The following CAPZA2 variants were observed in gnomAD, a reference collection of about 807,000 sequenced individuals.
CAPZA2 encodes the protein F-actin-capping protein subunit alpha-2.
A neutral mutation model predicts 44.0 loss-of-function variants in CAPZA2; 13 were observed. That is an observed-to-expected ratio of 0.30 (90% CI 0.19 to 0.47). The LOEUF (loss-of-function observed/expected upper bound fraction) is 0.47. Ranked by LOEUF, CAPZA2 falls within the 20% of genes least tolerant of loss-of-function variation. The pLI, the probability that CAPZA2 is intolerant of heterozygous loss-of-function variation, is 1.00. For synonymous variants in CAPZA2, 94 were observed against 108.2 expected, an observed-to-expected ratio of 0.87 and a Z score of 0.81; for missense variants, 244 against 338.6, an observed-to-expected ratio of 0.72 and a Z score of 2.19.
intron 1 of CAPZA2, 124 bp downstream of exon 1, chr7:116,862,774 TC>T: frequency 1.9e-6 from 2 of 1,051,278 alleles, no homozygotes; most frequent in South Asian, 3.2e-5. Flanking sequence ...CGGCTGCCCT[TC>T]CTCCCCCATC....
chr7:116,883,059 CAT>C (rs1350416170), intron 1 of CAPZA2, among the ~76,000 whole-genome samples: 5 of 152,244 alleles, frequency 3.3e-5, no homozygotes, highest in Non-Finnish European at 5.9e-5. Context: ...TGAAGAATAA[CAT>C]GTGGAGGAAG....
At chr7:116,914,654 C>T (rs988403148) in intron 8 of CAPZA2, among the ~76,000 whole-genome samples, 1 of 152,082 alleles carries the variant, frequency 6.6e-6, no homozygotes, top group Non-Finnish European at 1.5e-5. Context: ...GATGGGGTCT[C>T]ACCATATTGT....
At chr7:116,877,626 A>G (rs567375824) in intron 1 of CAPZA2, among the ~76,000 whole-genome samples, 4 of 152,290 alleles carry the variant, frequency 2.6e-5, no homozygotes, top group Admixed American at 2.0e-4. Flanking sequence ...AGGAAACTGA[A>G]TTTAGTTTGC....
chr7:116,864,502 T>C (rs1320560439), intron 1 of CAPZA2, among the ~76,000 whole-genome samples: 1 of 152,198 alleles, frequency 6.6e-6, no homozygotes, highest in African/African-American at 2.4e-5. Flanking sequence ...AAGAATATTA[T>C]GTAGATATTT....
At chr7:116,895,774 C>A (rs1363223983) in intron 3 of CAPZA2, among the ~76,000 whole-genome samples, 1 of 151,998 alleles carries the variant, frequency 6.6e-6, no homozygotes, top group Non-Finnish European at 1.5e-5. Context: ...CTGTGAAGTA[C>A]AGAATATATA....
intron 1 of CAPZA2, among the ~76,000 whole-genome samples, chr7:116,871,213 A>G (rs1401137043): frequency 6.6e-6 from 1 of 152,210 alleles, no homozygotes; most frequent in Non-Finnish European, 1.5e-5. Flanking sequence ...AAAGGTGAGG[A>G]GAAACCCTTG....
At position 116,912,133 on chromosome 7, in the gene CAPZA2, C is replaced by T; in HGVS notation, c.650C>T (p.Thr217Ile). The T allele has an allele frequency of 1.2e-6, 2 of 1,612,798 alleles. No homozygotes were observed. The highest frequency in any genetic ancestry group is 1.7e-6 in the Non-Finnish European group (2 of 1,179,242). ...CATAAAGATATACAAGATTCCCTAA[C>T]AGTGTCTGTAAGTAATTAATTCCAC... ...VSHKDIQDSL[T>I]VSNEVQTAKE... The change falls in exon 8 of 10, where the codon ACA (threonine) becomes ATA (isoleucine). Residue 217 changes from threonine to isoleucine, a missense_variant. Physicochemically the swap from Thr to Ile is moderately conservative, Grantham distance 89 (BLOSUM62 -1). Transcript: ENST00000361183.
chr7:116,883,389 T>TGGCCGGGCGC (rs1796723990), intron 1 of CAPZA2, among the ~76,000 whole-genome samples: 1 of 152,202 alleles, frequency 6.6e-6, no homozygotes, highest in South Asian at 2.1e-4. Context: ...AATACCTGGA[T>TGGCCGGGCGC]GGTTGAACAA....
intron 1 of CAPZA2, among the ~76,000 whole-genome samples, chr7:116,883,915 G>A (rs540390723): frequency 1.2e-3 from 181 of 152,262 alleles, no homozygotes; most frequent in African/African-American, 4.1e-3. Context: ...GTTTGTATAA[G>A]TCATTAGGAG....
chr7:116,876,266 A>T (rs1048752932), intron 1 of CAPZA2: 3 of 152,578 alleles, frequency 2.0e-5, no homozygotes, highest in African/African-American at 7.2e-5. Flanking sequence ...AAAAAAAAAA[A>T]AGTTTAGAGC....
intron 1 of CAPZA2, among the ~76,000 whole-genome samples, chr7:116,881,738 CAAAA>C (rs71148338): frequency 4.2e-5 from 2 of 47,780 alleles, no homozygotes; most frequent in Non-Finnish European, 8.3e-5. Context: ...GACTCTGTCT[CAAAA>C]AAAAAAAAAA....
At chr7:116,907,882 G>A (rs1353812184) in intron 6 of CAPZA2, among the ~76,000 whole-genome samples, 1 of 151,888 alleles carries the variant, frequency 6.6e-6, no homozygotes, top group Admixed American at 6.6e-5. Flanking sequence ...TTCACTTTCT[G>A]GAAAAAAATG....
intron 3 of CAPZA2, among the ~76,000 whole-genome samples, chr7:116,898,477 C>T (rs1267628076): frequency 6.6e-6 from 1 of 152,046 alleles, no homozygotes; most frequent in East Asian, 1.9e-4. Flanking sequence ...TTGGATGCAT[C>T]TCTTATCAGT....
rs1470241926 is a variant in CAPZA2, at chr7:116,921,975, C to T, written c.*4108C>T. On this transcript the variant is annotated 3_prime_UTR_variant, in exon 10 of 10. Transcript: ENST00000361183. The stretch of plus-strand genomic sequence containing the variant: ...TAAGTTATATAAATATGCAGATATT[C>T]ATGCGGCTTTTCCTCATTTGGGATT... The T allele has an allele frequency of 2.0e-5, 3 of 152,090 alleles. No individual in the cohort carries two copies. Among genetic ancestry groups the T allele is most frequent in the African/African-American group, 4.8e-5 (2 of 41,402 alleles). 9.4% of individuals were successfully genotyped at this position (152,090 alleles called of 1,614,324 possible). A position where few individuals can be genotyped will look rare whatever the true frequency, so the allele number is the denominator to read the frequency against.
intron 2 of CAPZA2, among the ~76,000 whole-genome samples, chr7:116,892,499 A>G (rs757098628): frequency 7.2e-5 from 11 of 152,106 alleles, no homozygotes; most frequent in African/African-American, 2.7e-4. Flanking sequence ...TTAACATACC[A>G]TATTTCCAGT....
chr7:116,918,012 G>A lies in CAPZA2; in HGVS notation c.*145G>A, dbSNP rs955779398. On this transcript the variant is annotated 3_prime_UTR_variant, in exon 10 of 10. Transcript: ENST00000361183. Reference sequence around the variant, plus strand: ...TTAATTAGTTTGATTAGAGCACAAAGCTTAGCTAATCAACCATTATTTTTC... The same window carrying A: ...TTAATTAGTTTGATTAGAGCACAAAACTTAGCTAATCAACCATTATTTTTC... The A allele has an allele frequency of 3.4e-6, 2 of 592,622 alleles. No individual in the cohort carries two copies. Among genetic ancestry groups the A allele is most frequent in the Non-Finnish European group, 6.0e-6 (2 of 334,634 alleles). The allele number at this position is 592,622 out of a possible 1,614,324, so 36.7% of individuals were successfully genotyped here.
chr7:116,868,243 T>C (rs1796507556), intron 1 of CAPZA2, among the ~76,000 whole-genome samples: 1 of 152,220 alleles, frequency 6.6e-6, no homozygotes, highest in South Asian at 2.1e-4. Context: ...TACCGTTTTT[T>C]CCCTTTTCCA....
intron 9 of CAPZA2, among the ~76,000 whole-genome samples, chr7:116,916,930 G>A (rs918533258): frequency 2.6e-5 from 4 of 152,094 alleles, no homozygotes; most frequent in Non-Finnish European, 5.9e-5. Context: ...ACTTTAAGTG[G>A]CTATTTTTTT....
At chr7:116,879,489 TG>T (rs1218893130) in intron 1 of CAPZA2, among the ~76,000 whole-genome samples, 1 of 152,144 alleles carries the variant, frequency 6.6e-6, no homozygotes, top group African/African-American at 2.4e-5. Context: ...TGGGGATGGA[TG>T]GGGGAATGTT....
Sources: allele counts gnomAD v4.1 joint callset (sites outside exome capture counted in the v4.1 genomes callset), GRCh38; gene constraint gnomAD v4.1.1; transcripts MANE v1.5; gene names NCBI Gene and HGNC (gene_info 2026-07-23, HGNC 2026-07-21).